The following SMPD3 variants were observed in gnomAD, a reference collection of about 807,000 sequenced individuals.
The protein encoded by SMPD3 is nSMase-2.
Under a neutral mutation model 55.7 loss-of-function variants are expected in SMPD3, and 21 were observed. The observed-to-expected ratio is 0.38, with a 90% CI of 0.27 to 0.54. The LOEUF (loss-of-function observed/expected upper bound fraction) is 0.54, where lower values mean the gene tolerates loss of function less well. SMPD3 is among the 20% of genes least tolerant of loss of function. The pLI is 0.80. For synonymous variants in SMPD3, 457 were observed against 404.3 expected, an observed-to-expected ratio of 1.13 and a Z score of -1.56; for missense variants, 842 against 899.6, an observed-to-expected ratio of 0.94 and a Z score of 0.82.
intron 1 of SMPD3, among the ~76,000 whole-genome samples, chr16:68,428,463 G>A (rs1383214701): frequency 6.6e-6 from 1 of 152,256 alleles, no homozygotes; most frequent in Non-Finnish European, 1.5e-5. Flanking sequence ...AGCAGCAGCA[G>A]AAGGGCCTGG....
chr16:68,407,953 T>C (rs2090267073), intron 1 of SMPD3, among the ~76,000 whole-genome samples: 1 of 152,186 alleles, frequency 6.6e-6, no homozygotes, highest in African/African-American at 2.4e-5. Context: ...AAAAAAGAAT[T>C]GGTGAAGCTT....
intron 1 of SMPD3, among the ~76,000 whole-genome samples, chr16:68,424,800 T>C (rs928492584): frequency 5.3e-5 from 8 of 152,210 alleles, no homozygotes; most frequent in Non-Finnish European, 1.2e-4. Context: ...AACCTCCGCC[T>C]CCTGGGCTCA....
chr16:68,400,158 C>T (rs892771155), intron 1 of SMPD3, among the ~76,000 whole-genome samples: 1 of 152,214 alleles, frequency 6.6e-6, no homozygotes, highest in Admixed American at 6.5e-5. Flanking sequence ...CCTCCTAGTC[C>T]CACTTCCTGC....
chr16:68,443,464 A>T (rs1454085544), intron 1 of SMPD3, among the ~76,000 whole-genome samples: 2 of 152,198 alleles, frequency 1.3e-5, no homozygotes, highest in African/African-American at 4.8e-5. Context: ...CTTTGGCTGT[A>T]TGTGTACTCT....
intron 2 of SMPD3, among the ~76,000 whole-genome samples, chr16:68,385,494 C>T (rs976497159): frequency 6.6e-6 from 1 of 152,116 alleles, no homozygotes; most frequent in African/African-American, 2.4e-5. Context: ...GGTGAAAACT[C>T]CAACGATCTT....
intron 1 of SMPD3, among the ~76,000 whole-genome samples, chr16:68,402,560 C>A (rs1365576699): frequency 6.6e-6 from 1 of 152,124 alleles, no homozygotes; most frequent in Non-Finnish European, 1.5e-5. Context: ...ATGGTAGGCG[C>A]TGTGCCTGAA....
chr16:68,445,162 T>C (rs2090600548), intron 1 of SMPD3, among the ~76,000 whole-genome samples: 1 of 152,230 alleles, frequency 6.6e-6, no homozygotes, highest in African/African-American at 2.4e-5. Context: ...GAAGCCTTCA[T>C]TTTCTGGGCT....
At chr16:68,380,892 C>T (rs776956307) in intron 2 of SMPD3, among the ~76,000 whole-genome samples, 12 of 152,180 alleles carry the variant, frequency 7.9e-5, no homozygotes, top group Non-Finnish European at 1.3e-4. Flanking sequence ...ACGGATTGGC[C>T]GACTACACGA....
intron 1 of SMPD3, among the ~76,000 whole-genome samples, chr16:68,403,907 G>C (rs894800943): frequency 1.3e-5 from 2 of 152,176 alleles, no homozygotes; most frequent in Non-Finnish European, 2.9e-5. Context: ...GAGTCAGAGG[G>C]GCCAGCTGTC....
intron 2 of SMPD3, among the ~76,000 whole-genome samples, chr16:68,381,729 C>A (rs542174110): frequency 2.3e-4 from 35 of 152,322 alleles, no homozygotes; most frequent in South Asian, 8.3e-4. Flanking sequence ...AGGGCCCCAG[C>A]TAACCCACAT....
chr16:68,364,871 G>A lies in SMPD3; in HGVS notation c.1435C>T (p.Leu479Phe). The change falls in exon 5 of 9, where the codon CTT (leucine) becomes TTT (phenylalanine). Residue 479 changes from leucine to phenylalanine, a missense_variant. Leu to Phe is a conservative substitution (Grantham distance 22). This residue lies in a region of SMPD3 where 649 missense variants were observed against 643.6 expected (regional missense o/e 1.01). Coordinates refer to ENST00000219334, the MANE Select transcript of SMPD3 (RefSeq NM_018667.4). The stretch of plus-strand genomic sequence containing the variant: ...CGGAAATCAGCCAGCCAGTCCTGAA[G>A]CAGGTCCAGCTGCCCACACCGGATG... ...SAIRCGQLDL[L>F]QDWLADFRKS... 1.2e-6 allele frequency: 2 copies of A among 1,613,974 alleles called. No individual in the cohort carries two copies. The highest frequency in any genetic ancestry group is 2.2e-5 in the East Asian group (1 of 44,886).
rs1188293252 is a variant in SMPD3 at position 68,361,687 on chromosome 16, C to T, written c.1782G>A (p.Gly594=). The change falls in exon 8 of 9, where the codon GGG becomes GGA. Residue 594 remains glycine (G), a synonymous_variant. Coordinates refer to ENST00000219334, the MANE Select transcript of SMPD3 (RefSeq NM_018667.4). ...FPTSKSSGQK[G]RKELLKGNGR... ...CGTTGCCCTTCAGCAGCTCCTTCCG[C>T]CCCTTCTGGCCCGAGCTCTTGCTGG... is the stretch of plus-strand genomic sequence containing the variant. 1.9e-6 allele frequency: 3 copies of T among 1,612,906 alleles called. No homozygotes were observed. Among genetic ancestry groups the T allele is most frequent in the Non-Finnish European group, 2.5e-6 (3 of 1,179,994 alleles).
In SMPD3 at chr16:68,359,149, T is replaced by G. The variant is rs1186961892; in HGVS notation, c.*2057A>C. On this transcript the variant is annotated 3_prime_UTR_variant, in exon 9 of 9. Coordinates refer to ENST00000219334, the MANE Select transcript of SMPD3 (RefSeq NM_018667.4). ...ATGTTGGGGTCTGGTGTGGGGGCCC[T>G]GCCCGGGCCTCAACTGCTCTCCCTG... The G allele has an allele frequency of 1.3e-5, 2 of 152,364 alleles. No homozygotes were observed. The highest frequency in any genetic ancestry group is 2.9e-5 in the Non-Finnish European group (2 of 68,066). The allele number at this position is 152,364 out of a possible 1,614,324, so 9.4% of individuals were successfully genotyped here. A position where few individuals can be genotyped will look rare whatever the true frequency, so the allele number is the denominator to read the frequency against.
intron 1 of SMPD3, among the ~76,000 whole-genome samples, chr16:68,425,953 G>C (rs1016580814): frequency 1.3e-5 from 2 of 152,192 alleles, no homozygotes; most frequent in Non-Finnish European, 2.9e-5. Context: ...ATTCCATGTG[G>C]AGGATGCTAA....
intron 6 of SMPD3, 26 bp from the exon 7 acceptor site, chr16:68,363,585 G>A: frequency 6.2e-7 from 1 of 1,607,704 alleles, no homozygotes; most frequent in Non-Finnish European, 8.5e-7. Flanking sequence ...GGGTGACAGT[G>A]GTCGCTGCAG....
intron 3 of SMPD3, among the ~76,000 whole-genome samples, chr16:68,365,881 A>G (rs766017627): frequency 1.2e-4 from 19 of 152,140 alleles, no homozygotes; most frequent in Non-Finnish European, 2.2e-4. Context: ...CAGGCAATTC[A>G]TAACTGCCCT....
chr16:68,390,204 TA>T (rs1338473178), intron 1 of SMPD3, among the ~76,000 whole-genome samples: 1 of 152,258 alleles, frequency 6.6e-6, no homozygotes, highest in African/African-American at 2.4e-5. Context: ...GCCAATGCAT[TA>T]TAATTAGCAT....
At position 68,364,760 on chromosome 16, in the gene SMPD3, A is replaced by C. The variant is rs1231649470; in HGVS notation, c.1546T>G (p.Cys516Gly). Reference sequence around the variant, plus strand: ...AGGAGCCCGGCCTCACCAGAGGAGCAGTTATCAAAGTTGAAATCTCCACAG... The same window carrying C: ...AGGAGCCCGGCCTCACCAGAGGAGCCGTTATCAAAGTTGAAATCTCCACAG... ...VVCGDFNFDN[C>G]SSDDKLEQQH... Residue 516 changes from cysteine to glycine, a missense_variant, in exon 5 of 9, where the codon TGC becomes GGC. Coordinates refer to ENST00000219334, the MANE Select transcript of SMPD3 (RefSeq NM_018667.4). 1.2e-5 allele frequency: 20 copies of C among 1,613,282 alleles called. No individual in the cohort carries two copies. Among genetic ancestry groups the C allele is most frequent in the Non-Finnish European group, 1.7e-5 (20 of 1,179,746 alleles).
At chr16:68,424,347 G>A (rs1313112578) in intron 1 of SMPD3, among the ~76,000 whole-genome samples, 43 of 152,060 alleles carry the variant, frequency 2.8e-4, no homozygotes, top group Non-Finnish European at 1.9e-4. Flanking sequence ...CAATGGGGCT[G>A]CAGGGGCCGT....
Sources: gnomAD v4.1 joint callset for allele counts (sites outside exome capture counted in the v4.1 genomes callset) on GRCh38, gnomAD v4.1.1 for gene constraint, gnomAD v4.1.1 regional missense constraint, MANE v1.5 for transcripts, NCBI Gene and HGNC (gene_info 2026-07-23, HGNC 2026-07-21) for gene names.